PHEX: variants seen among roughly 807,000 people sequenced by gnomAD.
PHEX encodes phosphate-regulating neutral endopeptidase PHEX.
In PHEX, 16 loss-of-function variants were observed where a neutral mutation model predicts 68.0. That is an observed-to-expected ratio of 0.24 (90% confidence interval 0.16 to 0.36). The LOEUF (loss-of-function observed/expected upper bound fraction) is 0.36. PHEX is among the 10% of genes least tolerant of loss of function. PHEX has a pLI of 1.00. For synonymous variants in PHEX, 208 were observed against 205.1 expected (o/e 1.01, Z -0.12); for missense variants, 480 against 575.5 (o/e 0.83, Z 1.70).
At chrX:22,098,795 C>CAAAAAAAA (rs746223770) in intron 8 of PHEX, among the ~76,000 whole-genome samples, 302 of 11,375 alleles carry the variant, frequency 0.027, 56 homozygotes, top group African/African-American at 0.044. Flanking sequence ...GAGAATGTCT[C>CAAAAAAAA]AAAAAAAAAA....
chrX:22,182,263 CGAGAGTTTTTA>C (rs745807749), intron 14 of PHEX, among the ~76,000 whole-genome samples: 2 of 111,252 alleles, frequency 1.8e-5, no homozygotes, highest in Non-Finnish European at 3.8e-5. Flanking sequence ...TCCGGTTTTT[CGAGAGTTTTTA>C]TCCTGAAACG....
Position 22,180,337 on chromosome X carries a change from A to C in PHEX, c.1586+1961A>C, listed in dbSNP as rs1266755457. 2.7e-5 allele frequency among the ~76,000 whole-genome samples: 3 copies of C among 111,317 alleles called. No individual in the cohort carries two copies. In the East Asian group the frequency reaches 8.5e-4, roughly 32 times the overall value. ...CCAGGCCCTCACTGGTCTTCCCTGC[A>C]CATGTGCCTAGTTTCCCAGTCAGCC... On this transcript the variant is annotated intron_variant, in intron 14 of 21. Coordinates refer to ENST00000379374, the MANE Select transcript of PHEX (RefSeq NM_000444.6).
intron 20 of PHEX, among the ~76,000 whole-genome samples, chrX:22,229,169 C>T (rs985652928): frequency 2.3e-4 from 26 of 111,834 alleles, no homozygotes; most frequent in Admixed American, 9.5e-4. Flanking sequence ...CAAGTCTTTG[C>T]CATTGTGAAT....
At chrX:22,163,213 C>T (rs1933196463) in intron 12 of PHEX, 1 of 111,753 alleles carries the variant, frequency 8.9e-6, no homozygotes, top group African/African-American at 3.3e-5. Flanking sequence ...TAAAATGGAT[C>T]ATTGGAAGTG....
chrX:22,149,911 C>T (rs141370287), intron 12 of PHEX, among the ~76,000 whole-genome samples: 221 of 111,490 alleles, frequency 2.0e-3, no homozygotes, highest in Middle Eastern at 0.014. Flanking sequence ...AGAGAGAGAC[C>T]ACTTTTGAAA....
intron 6 of PHEX, among the ~76,000 whole-genome samples, chrX:22,092,347 A>G (rs776776694): frequency 8.9e-6 from 1 of 111,854 alleles, no homozygotes; most frequent in Non-Finnish European, 1.9e-5. Flanking sequence ...CACCTTGTAC[A>G]TTTGAGTAGG....
In PHEX at chrX:22,114,504, T is replaced by C. The variant is rs764695823; in HGVS notation, c.1220T>C (p.Val407Ala). The C allele has an allele frequency of 2.5e-6, 3 of 1,192,965 alleles. No individual in the cohort carries two copies. Among genetic ancestry groups the C allele is most frequent in the Non-Finnish European group, 3.4e-6 (3 of 879,764 alleles). Reference sequence around the variant, plus strand: ...TTGCTGCCTCAATGGGACAAATGTGTAAACTTTATTGAAAGTGCCCTCCCT... The same window carrying C: ...TTGCTGCCTCAATGGGACAAATGTGCAAACTTTATTGAAAGTGCCCTCCCT... ...TTLLPQWDKC[V>A]NFIESALPYV... Residue 407 changes from valine to alanine, a missense_variant, in exon 11 of 22, where the codon GTA becomes GCA. Val to Ala is a moderately conservative substitution (Grantham distance 64). Transcript: ENST00000379374.
intron 14 of PHEX, among the ~76,000 whole-genome samples, chrX:22,189,581 AAG>A (rs1288756288): frequency 8.9e-6 from 1 of 111,963 alleles, no homozygotes; most frequent in African/African-American, 3.2e-5. Flanking sequence ...TGAAAAAAAA[AAG>A]AGAAATAATT....
At chrX:22,157,572 C>G (rs988487583) in intron 12 of PHEX, among the ~76,000 whole-genome samples, 2 of 112,324 alleles carry the variant, frequency 1.8e-5, no homozygotes, top group African/African-American at 6.5e-5. Context: ...ACAAAGACAC[C>G]AGGGAAATGT....
intron 12 of PHEX, among the ~76,000 whole-genome samples, chrX:22,149,195 G>A (rs1014074257): frequency 1.3e-4 from 15 of 111,804 alleles, no homozygotes; most frequent in Admixed American, 6.6e-4. Flanking sequence ...AAGGGGACAG[G>A]TCTGCCACCC....
intron 18 of PHEX, among the ~76,000 whole-genome samples, chrX:22,223,254 C>T (rs996766144): frequency 9.0e-6 from 1 of 111,492 alleles, no homozygotes; most frequent in African/African-American, 3.3e-5. Context: ...TTTGTAGTGA[C>T]TTCGGGGGAG....
At chrX:22,243,004 G>A (rs980259792) in intron 20 of PHEX, among the ~76,000 whole-genome samples, 2 of 111,827 alleles carry the variant, frequency 1.8e-5, no homozygotes, top group African/African-American at 6.5e-5. Context: ...CAAAGCTGGA[G>A]GCATCACACT....
chrX:22,203,069 T>G (rs1340073200), intron 15 of PHEX, among the ~76,000 whole-genome samples: 1 of 110,589 alleles, frequency 9.0e-6, no homozygotes, highest in Non-Finnish European at 1.9e-5. Context: ...TCAGACTTGT[T>G]GGGTAAAGGT....
intron 3 of PHEX, among the ~76,000 whole-genome samples, chrX:22,075,671 AT>A (rs1255336352): frequency 8.9e-6 from 1 of 111,765 alleles, no homozygotes; most frequent in Non-Finnish European, 1.9e-5. Context: ...GACAACTATC[AT>A]TTTCTACCTT....
chrX:22,178,258 G>T lies in PHEX; in HGVS notation c.1483-15G>T. 1.8e-6 allele frequency: 2 copies of T among 1,096,912 alleles called. No individual in the cohort carries two copies. The highest frequency in any genetic ancestry group is 4.9e-4 in the Middle Eastern group (2 of 4,071). 90.4% of individuals were successfully genotyped at this position (1,096,912 alleles called of 1,213,427 possible). On this transcript the variant is annotated splice_polypyrimidine_tract_variant and intron_variant, in intron 13 of 21. Transcript: ENST00000379374. ...CTTTACTTAGAACAATGATGTTGTGGTTTGTTTTATTCAGATCAAGTTTTC... is the reference window on the plus strand; with the variant it reads ...CTTTACTTAGAACAATGATGTTGTGTTTTGTTTTATTCAGATCAAGTTTTC...
chrX:22,197,591 C>T (rs1369403586), intron 15 of PHEX, among the ~76,000 whole-genome samples: 1 of 110,675 alleles, frequency 9.0e-6, no homozygotes, highest in Non-Finnish European at 1.9e-5. Flanking sequence ...TTCAGATGAC[C>T]GTGGCCCAGG....
chrX:22,063,636 A>G (rs1309534870), intron 3 of PHEX, among the ~76,000 whole-genome samples: 2 of 112,259 alleles, frequency 1.8e-5, no homozygotes, highest in Non-Finnish European at 3.8e-5. Flanking sequence ...CGTCGCGTCC[A>G]CCTTCCCACT....
At chrX:22,244,818 A>G (rs1033595563) in intron 20 of PHEX, among the ~76,000 whole-genome samples, 1 of 111,385 alleles carries the variant, frequency 9.0e-6, no homozygotes, top group Non-Finnish European at 1.9e-5. Flanking sequence ...CTCACACTTC[A>G]TTGGCCAGAA....
At chrX:22,114,327 A>G (rs1320561061) in intron 10 of PHEX, 131 bp from the exon 11 acceptor site, 4 of 597,020 alleles carry the variant, frequency 6.7e-6, no homozygotes, top group Middle Eastern at 4.5e-4. Flanking sequence ...CTTTGCCTCT[A>G]CTATCTGATG....
Sources: allele counts gnomAD v4.1 joint callset (sites outside exome capture counted in the v4.1 genomes callset), GRCh38; gene constraint gnomAD v4.1.1; transcripts MANE v1.5; gene names NCBI Gene and HGNC (gene_info 2026-07-23, HGNC 2026-07-21).